Variants in POU2F1 observed in about 807,000 individuals in gnomAD.
POU2F1 encodes POU class 2 homeobox 1, also known as POU domain, class 2, transcription factor 1.
Under a neutral mutation model 84.9 loss-of-function variants are expected in POU2F1, and 16 were observed. The observed-to-expected ratio is 0.19, with a 90% CI of 0.13 to 0.29. POU2F1 has a LOEUF of 0.29. Among genes scored for constraint, POU2F1 ranks in the 10% least tolerant of loss-of-function variants. The pLI is 1.00. For synonymous variants in POU2F1, 368 were observed against 368.3 expected (o/e 1.00, Z 0.01); for missense variants, 738 against 942.6 (o/e 0.78, Z 2.84).
chr1:167,359,049 T>TA (rs1403171633), intron 2 of POU2F1, among the ~76,000 whole-genome samples: 6 of 152,066 alleles, frequency 3.9e-5, no homozygotes, highest in Non-Finnish European at 8.8e-5. Flanking sequence ...CCTTTATTAT[T>TA]ACCTTTCCCT....
At chr1:167,287,583 T>C (rs1187277130) in intron 1 of POU2F1, among the ~76,000 whole-genome samples, 4 of 152,212 alleles carry the variant, frequency 2.6e-5, no homozygotes, top group Admixed American at 2.6e-4. Flanking sequence ...GAAATTAACA[T>C]ATGTAGTACT....
At chr1:167,408,092 G>A (rs1357610244) in intron 13 of POU2F1, among the ~76,000 whole-genome samples, 1 of 152,192 alleles carries the variant, frequency 6.6e-6, no homozygotes, top group Non-Finnish European at 1.5e-5. Flanking sequence ...ATTTTACCAA[G>A]GAAGATATAG....
At chr1:167,269,929 AG>A (rs1413010420) in intron 1 of POU2F1, among the ~76,000 whole-genome samples, 4 of 150,686 alleles carry the variant, frequency 2.7e-5, no homozygotes, top group Admixed American at 1.3e-4. Flanking sequence ...AAAAAAAAAA[AG>A]AGTAAGAGTC....
chr1:167,407,513 A>G (rs1649665460), intron 13 of POU2F1, among the ~76,000 whole-genome samples: 1 of 152,256 alleles, frequency 6.6e-6, no homozygotes, highest in Non-Finnish European at 1.5e-5. Flanking sequence ...TAAAGCAACA[A>G]TAATCAAAGC....
At chr1:167,272,880 CT>C (rs1183080894) in intron 1 of POU2F1, among the ~76,000 whole-genome samples, 3 of 152,174 alleles carry the variant, frequency 2.0e-5, no homozygotes, top group African/African-American at 7.2e-5. Context: ...CCCCCAGAAT[CT>C]TATTTCAGCA....
At chr1:167,384,552 G>C (rs937049437) in intron 8 of POU2F1, among the ~76,000 whole-genome samples, 4 of 152,040 alleles carry the variant, frequency 2.6e-5, no homozygotes, top group African/African-American at 9.6e-5. Context: ...GGCTGATCCT[G>C]AATCTCCTTC....
At chr1:167,256,022 G>T (rs150330376) in intron 1 of POU2F1, among the ~76,000 whole-genome samples, 4 of 152,150 alleles carry the variant, frequency 2.6e-5, no homozygotes, top group Admixed American at 6.5e-5. Flanking sequence ...TTTGCTTCAG[G>T]ATTCAGGATT....
chr1:167,350,015 A>G (rs1012811636), intron 2 of POU2F1, among the ~76,000 whole-genome samples: 6 of 152,230 alleles, frequency 3.9e-5, no homozygotes, highest in Admixed American at 2.0e-4. Context: ...TTTTATATTC[A>G]TATTTCAAAG....
intron 1 of POU2F1, among the ~76,000 whole-genome samples, chr1:167,247,731 T>C (rs1005185850): frequency 9.2e-5 from 14 of 152,328 alleles, no homozygotes; most frequent in Admixed American, 2.6e-4. Flanking sequence ...TTATGACTTA[T>C]TGGAAAAGAC....
intron 1 of POU2F1, among the ~76,000 whole-genome samples, chr1:167,256,953 C>T (rs1651185892): frequency 6.6e-6 from 1 of 152,128 alleles, no homozygotes; most frequent in East Asian, 1.9e-4. Context: ...TGTGACTGTA[C>T]CTTTTCACTG....
intron 9 of POU2F1, 31 bp downstream of exon 9, chr1:167,389,792 C>T: frequency 1.3e-6 from 2 of 1,597,902 alleles, no homozygotes; most frequent in Non-Finnish European, 8.5e-7. Flanking sequence ...ATTGATTCCC[C>T]TCCTTGGCTG....
At chr1:167,395,236 G>C (rs1391417770) in intron 9 of POU2F1, among the ~76,000 whole-genome samples, 1 of 152,198 alleles carries the variant, frequency 6.6e-6, no homozygotes, top group Non-Finnish European at 1.5e-5. Context: ...GACATCTTTT[G>C]TAATATATTC....
chr1:167,254,536 A>C (rs142611715), intron 1 of POU2F1, among the ~76,000 whole-genome samples: 167 of 152,360 alleles, frequency 1.1e-3, no homozygotes, highest in Non-Finnish European at 1.4e-3. Flanking sequence ...CTTACTGCAT[A>C]AAATGTTCAT....
At chr1:167,311,180 G>C (rs1230384465) in intron 1 of POU2F1, among the ~76,000 whole-genome samples, 1 of 152,042 alleles carries the variant, frequency 6.6e-6, no homozygotes, top group Non-Finnish European at 1.5e-5. Context: ...AAATCTCCAA[G>C]ATACATTATA....
chr1:167,358,737 T>TTTTTTTTTTTTTTTTTG lies in POU2F1; in HGVS notation c.128-6730_128-6729insTTTTTTTTTTTTTTTTG, dbSNP rs71097670. Among the ~76,000 whole-genome samples the TTTTTTTTTTTTTTTTTG allele has an allele frequency of 2.1e-3, 189 of 88,816 alleles. 40 individuals carry two copies. Among genetic ancestry groups the TTTTTTTTTTTTTTTTTG allele is most frequent in the East Asian group, 4.4e-3 (10 of 2,284 alleles). 58.3% of individuals were successfully genotyped at this position (88,816 alleles called of 152,430 possible). ...GCAGCTTTTTTTTTTTTTTTTTTTT[T>TTTTTTTTTTTTTTTTTG]GAGACAGGTTCTGACTGTGCTGCTC... On this transcript the variant is annotated intron_variant, in intron 2 of 15. Transcript: ENST00000367866.
intron 1 of POU2F1, among the ~76,000 whole-genome samples, chr1:167,327,554 G>C (rs1656789722): frequency 6.6e-6 from 1 of 152,138 alleles, no homozygotes; most frequent in Non-Finnish European, 1.5e-5. Context: ...CTGAAGACTA[G>C]TTCTAAATAA....
chr1:167,322,109 T>A (rs779752427), intron 1 of POU2F1, among the ~76,000 whole-genome samples: 5 of 152,214 alleles, frequency 3.3e-5, no homozygotes, highest in Non-Finnish European at 7.4e-5. Flanking sequence ...CATTCCTGTA[T>A]CTACCAAACC....
intron 1 of POU2F1, among the ~76,000 whole-genome samples, chr1:167,314,210 A>AG (rs1557887609): frequency 6.7e-6 from 1 of 149,266 alleles, no homozygotes; most frequent in East Asian, 1.9e-4. Context: ...AAAAAAAAAA[A>AG]AAACAAAACT....
At chr1:167,259,767 G>C (rs1651415874) in intron 1 of POU2F1, among the ~76,000 whole-genome samples, 1 of 152,112 alleles carries the variant, frequency 6.6e-6, no homozygotes, top group African/African-American at 2.4e-5. Flanking sequence ...CCAAGATAGT[G>C]TAATTTTGCC....
Sources: allele counts gnomAD v4.1 joint callset (sites outside exome capture counted in the v4.1 genomes callset), GRCh38; gene constraint gnomAD v4.1.1; transcripts MANE v1.5; gene names NCBI Gene and HGNC (gene_info 2026-07-23, HGNC 2026-07-21).